Variants in CPN1 observed in about 807,000 individuals in gnomAD.
The protein encoded by CPN1 is carboxypeptidase N catalytic chain.
Under a neutral mutation model 46.4 loss-of-function variants are expected in CPN1, and 37 were observed. The ratio of observed to expected loss-of-function variants is 0.80; its 90% confidence interval spans 0.61 to 1.05. The LOEUF (loss-of-function observed/expected upper bound fraction) is 1.05. Ranked by LOEUF, CPN1 falls within the 50% of genes least tolerant of loss-of-function variation. CPN1 has a pLI of 0.00. For missense variants in CPN1, 563 were observed against 602.6 expected (o/e 0.93, Z 0.69); for synonymous variants, 224 against 235.4 (o/e 0.95, Z 0.44).
chr10:100,056,907 G>T, intron 6 of CPN1, 106 bp downstream of exon 6: 2 of 1,381,618 alleles, frequency 1.4e-6, no homozygotes, highest in South Asian at 1.2e-5. Flanking sequence ...AGATCTATTG[G>T]ACTGAGTCAG....
chr10:100,063,835 T>C, intron 4 of CPN1, 110 bp from the exon 5 acceptor site: 1 of 794,410 alleles, frequency 1.3e-6, no homozygotes. Context: ...ATATAAACAG[T>C]GGATTATTTG....
chr10:100,055,532 T>C (rs571538959), intron 6 of CPN1, among the ~76,000 whole-genome samples: 1 of 152,132 alleles, frequency 6.6e-6, no homozygotes, highest in Non-Finnish European at 1.5e-5. Flanking sequence ...AGAATTTCCT[T>C]CCTTTTTTTG....
chr10:100,046,259 G>A (rs1044221647), intron 8 of CPN1, among the ~76,000 whole-genome samples: 2 of 152,350 alleles, frequency 1.3e-5, no homozygotes, highest in South Asian at 2.1e-4. Context: ...ATGCAAGCCC[G>A]CTGCCTTCTC....
chr10:100,079,211 G>A (rs888326883), intron 1 of CPN1, among the ~76,000 whole-genome samples: 2 of 152,144 alleles, frequency 1.3e-5, no homozygotes, highest in Non-Finnish European at 2.9e-5. Flanking sequence ...ATGTATTTAC[G>A]TAGTTACCCA....
chr10:100,054,458 A>G lies in CPN1; in HGVS notation c.1012-12T>C. The G allele has an allele frequency of 6.3e-7, 1 of 1,595,688 alleles. No individual in the cohort carries two copies. The highest frequency in any genetic ancestry group is 8.6e-7 in the Non-Finnish European group (1 of 1,163,308). Reference sequence around the variant, plus strand: ...ATGCCCTGGTGAACCTGCAGGAACAAGTATATAGTTATGATCATAAAACAT... The same window carrying G: ...ATGCCCTGGTGAACCTGCAGGAACAGGTATATAGTTATGATCATAAAACAT... On this transcript the variant is annotated splice_polypyrimidine_tract_variant and intron_variant, in intron 6 of 8. Coordinates refer to ENST00000370418, the MANE Select transcript of CPN1 (RefSeq NM_001308.3).
In CPN1 at chr10:100,042,481, G is replaced by C. The variant is rs2041280928; in HGVS notation, c.1323C>G (p.Pro441=). The C allele has an allele frequency of 6.2e-7, 1 of 1,613,738 alleles. No homozygotes were observed. The highest frequency in any genetic ancestry group is 1.3e-5 in the African/African-American group (1 of 74,858). The change falls in exon 9 of 9, where the codon CCC becomes CCG. Residue 441 remains proline (P), a synonymous_variant. Coordinates refer to ENST00000370418, the MANE Select transcript of CPN1 (RefSeq NM_001308.3). ...RRHGVRAKVQ[P]QARKKEMEMR... is the part of the protein sequence containing the mutation. The stretch of plus-strand genomic sequence containing the variant: ...TCTCCATTTCTTTCTTTCTGGCTTG[G>C]GGCTGCACTTTGGCTCTGACTCCGT...
chr10:100,068,877 G>C (rs987601903), intron 3 of CPN1, among the ~76,000 whole-genome samples: 5 of 152,130 alleles, frequency 3.3e-5, no homozygotes, highest in Non-Finnish European at 7.3e-5. Context: ...TAAGCACACA[G>C]CTTATCACGA....
At chr10:100,069,447 C>T (rs1339621141) in intron 3 of CPN1, among the ~76,000 whole-genome samples, 1 of 151,030 alleles carries the variant, frequency 6.6e-6, no homozygotes, top group Non-Finnish European at 1.5e-5. Context: ...CACCATTACA[C>T]TCCAGCCTGG....
Position 100,048,739 on chromosome 10 carries a change from C to A in CPN1, c.1230+19G>T. ...ATAAGTGATCTCTACAGTGCACCGTCAAGCTCAGCCTAACTCACCAACGTT... is the reference window on the plus strand; with the variant it reads ...ATAAGTGATCTCTACAGTGCACCGTAAAGCTCAGCCTAACTCACCAACGTT... On this transcript the variant is annotated intron_variant, in intron 8 of 8. Transcript: ENST00000370418. The A allele has an allele frequency of 6.5e-7, 1 of 1,543,880 alleles. No homozygotes were observed. Among genetic ancestry groups the A allele is most frequent in the Non-Finnish European group, 9.0e-7 (1 of 1,116,984 alleles).
rs767625237 is a variant in CPN1 at position 100,069,745 on chromosome 10, T to C, written c.545A>G (p.His182Arg). 1.2e-5 allele frequency: 19 copies of C among 1,613,786 alleles called. No homozygotes were observed. The South Asian group carries it at 2.1e-4, about 18-fold the overall frequency. The change falls in exon 3 of 9, where the codon CAC becomes CGC. Residue 182 changes from histidine to arginine, a missense_variant. Physicochemically the swap from His to Arg is conservative, Grantham distance 29 (BLOSUM62 0). Transcript: ENST00000370418. ...YNEKYGGPNH[H>R]LPLPDNWKSQ... ...TTTCCAGTTGTCTGGAAGGGGCAGGTGGTGGTTGGGGCCTCCGTACTTCTC... is the reference window on the plus strand; with the variant it reads ...TTTCCAGTTGTCTGGAAGGGGCAGGCGGTGGTTGGGGCCTCCGTACTTCTC...
chr10:100,058,966 G>A (rs1428468871), intron 5 of CPN1, among the ~76,000 whole-genome samples: 3 of 152,158 alleles, frequency 2.0e-5, no homozygotes, highest in Admixed American at 1.3e-4. Context: ...AATGGTGCTG[G>A]AGAAACTGGA....
intron 3 of CPN1, among the ~76,000 whole-genome samples, chr10:100,066,662 A>G (rs1287730812): frequency 6.6e-6 from 1 of 152,254 alleles, no homozygotes; most frequent in Non-Finnish European, 1.5e-5. Context: ...TACAGTCTAC[A>G]GCATTTTTCC....
chr10:100,042,887 T>C (rs1589467964), intron 8 of CPN1, among the ~76,000 whole-genome samples: 1 of 150,224 alleles, frequency 6.7e-6, no homozygotes, highest in South Asian at 2.1e-4. Flanking sequence ...AGGTCAGGAG[T>C]TCAAGACCAC....
At chr10:100,045,457 G>A (rs1045033733) in intron 8 of CPN1, among the ~76,000 whole-genome samples, 2 of 152,198 alleles carry the variant, frequency 1.3e-5, no homozygotes, top group Admixed American at 1.3e-4. Context: ...ACATTATTTA[G>A]GAGATGGGAC....
chr10:100,051,117 T>C (rs1177529114), intron 7 of CPN1, among the ~76,000 whole-genome samples: 1 of 152,206 alleles, frequency 6.6e-6, no homozygotes, highest in Non-Finnish European at 1.5e-5. Context: ...ACAAGGAAAG[T>C]GCATTTTGGC....
intron 7 of CPN1, among the ~76,000 whole-genome samples, chr10:100,049,451 C>T (rs1325400863): frequency 1.3e-5 from 2 of 152,034 alleles, no homozygotes; most frequent in Admixed American, 6.6e-5. Context: ...TTAGTAGAGA[C>T]GGGGTTTCAC....
Position 100,057,210 on chromosome 10 carries a change from T to C in CPN1, c.872-58A>G, listed in dbSNP as rs1205538093. The C allele has an allele frequency of 4.3e-5, 67 of 1,567,860 alleles. 1 individual carries two copies. The highest frequency in any genetic ancestry group is 5.7e-5 in the Non-Finnish European group (66 of 1,150,138). On this transcript the variant is annotated intron_variant, in intron 5 of 8. Coordinates refer to ENST00000370418, the MANE Select transcript of CPN1 (RefSeq NM_001308.3). ...AACCAGGTTCCCACCCAATGCCCCATCTCATCTCTCTCTCTCTCTTTTTAA... is the reference window on the plus strand; with the variant it reads ...AACCAGGTTCCCACCCAATGCCCCACCTCATCTCTCTCTCTCTCTTTTTAA...
rs1341379721 is a variant in CPN1, at chr10:100,069,959, G to A, written c.421-90C>T. On this transcript the variant is annotated intron_variant, in intron 2 of 8. Transcript: ENST00000370418. ...TTTTTTGGAGACAGGTTCTCACACTGTTGCCCAGGCTGAAGTGCAGTGGTA... is the reference window on the plus strand; with the variant it reads ...TTTTTTGGAGACAGGTTCTCACACTATTGCCCAGGCTGAAGTGCAGTGGTA... The A allele has an allele frequency of 6.1e-6, 9 of 1,480,888 alleles. No individual in the cohort carries two copies. The Admixed American group carries it at 7.0e-5, about 11-fold the overall frequency. The allele number at this position is 1,480,888 out of a possible 1,614,324, so 91.7% of individuals were successfully genotyped here. A position where few individuals can be genotyped will look rare whatever the true frequency, so the allele number is the denominator to read the frequency against.
At chr10:100,073,415 G>C (rs529059836) in intron 2 of CPN1, among the ~76,000 whole-genome samples, 2 of 152,092 alleles carry the variant, frequency 1.3e-5, no homozygotes, top group Non-Finnish European at 2.9e-5. Context: ...CCTAACAGAA[G>C]GTTTCATAAA....
Sources: gnomAD v4.1 joint callset for allele counts (sites outside exome capture counted in the v4.1 genomes callset) on GRCh38, gnomAD v4.1.1 for gene constraint, MANE v1.5 for transcripts, NCBI Gene and HGNC (gene_info 2026-07-23, HGNC 2026-07-21) for gene names.